Variants in ABCB1 observed in about 807,000 individuals in gnomAD.
The protein encoded by ABCB1 is ATP binding cassette subfamily B member 1, also known as ATP-dependent translocase ABCB1.
In ABCB1, 69 loss-of-function variants were observed where a neutral mutation model predicts 142.0. The ratio of observed to expected loss-of-function variants is 0.49; its 90% CI spans 0.40 to 0.59. The LOEUF is 0.59. Among genes scored for constraint, ABCB1 ranks in the 20% least tolerant of loss-of-function variants. ABCB1 has a pLI of 0.00. For synonymous variants in ABCB1, 532 were observed against 539.2 expected, an observed-to-expected ratio of 0.99 and a Z score of 0.18; for missense variants, 1,326 against 1,554.7, an observed-to-expected ratio of 0.85 and a Z score of 2.47.
chr7:87,644,424 A>T (rs114020027), intron 1 of ABCB1, among the ~76,000 whole-genome samples: 176 of 152,354 alleles, frequency 1.2e-3, no homozygotes, highest in Middle Eastern at 6.8e-3. Flanking sequence ...ACATATAATA[A>T]GGAATATTGT....
chr7:87,624,252 T>C (rs894285889), intron 1 of ABCB1, among the ~76,000 whole-genome samples: 1 of 152,160 alleles, frequency 6.6e-6, no homozygotes, highest in East Asian at 1.9e-4. Flanking sequence ...ATATTACCCA[T>C]CTGACGTCAA....
chr7:87,529,388 G>C (rs1309277944), intron 21 of ABCB1, among the ~76,000 whole-genome samples: 12 of 152,158 alleles, frequency 7.9e-5, no homozygotes, highest in Admixed American at 7.9e-4. Context: ...TCAATATTAT[G>C]TGGACTGGTT....
chr7:87,519,917 C>G (rs1815419962), intron 22 of ABCB1, among the ~76,000 whole-genome samples: 1 of 151,456 alleles, frequency 6.6e-6, no homozygotes, highest in African/African-American at 2.5e-5. Context: ...CTTAGGAGAC[C>G]TGACTTGAGT....
chr7:87,602,187 G>C (rs1217737513), upstream of ABCB1, among the ~76,000 whole-genome samples: 1 of 151,484 alleles, frequency 6.6e-6, no homozygotes, highest in African/African-American at 2.4e-5. Context: ...TAGAGACTGG[G>C]TTTCACTGTG....
Position 87,576,895 on chromosome 7 carries a change from C to T in ABCB1, c.287-6672G>A, listed in dbSNP as rs999718714. Among the ~76,000 whole-genome samples, 5 of 152,020 alleles carry T rather than the reference C, an allele frequency of 3.3e-5. No individual in the cohort carries two copies. In the East Asian group the frequency reaches 9.6e-4, roughly 29 times the overall value. On this transcript the variant is annotated intron_variant, in intron 4 of 27. Coordinates refer to ENST00000622132, the MANE Select transcript of ABCB1 (RefSeq NM_001348946.2). The stretch of plus-strand genomic sequence containing the variant: ...GTATCTATCACCTCAAAAATTTATC[C>T]TTTCTTTGTGTTACAAACAATCCAG...
At chr7:87,553,310 T>A (rs1817162154) in intron 9 of ABCB1, among the ~76,000 whole-genome samples, 1 of 150,728 alleles carries the variant, frequency 6.6e-6, no homozygotes, top group Non-Finnish European at 1.5e-5. Flanking sequence ...CATCTAATTT[T>A]TTTCCACTTT....
Position 87,558,459 on chromosome 7 carries a change from G to A in ABCB1, c.827+2804C>T, listed in dbSNP as rs377198790. Among the ~76,000 whole-genome samples, 15 of 152,096 alleles carry A rather than the reference G, an allele frequency of 9.9e-5. 1 individual carries two copies. The highest frequency in any genetic ancestry group is 3.9e-4 in the East Asian group (2 of 5,180). On this transcript the variant is annotated intron_variant, in intron 8 of 27. Coordinates refer to ENST00000622132, the MANE Select transcript of ABCB1 (RefSeq NM_001348946.2). ...GAATTTCTGTGTAGACAATCTTATC[G>A]TCTGTGAATAACGACAGTTTTCTTC...
intron 4 of ABCB1, 123 bp downstream of exon 4, chr7:87,585,389 C>A: frequency 1.1e-6 from 1 of 925,588 alleles, no homozygotes; most frequent in South Asian, 1.5e-5. Flanking sequence ...ATAACTCAGA[C>A]TGTCTGCCTC....
intron 1 of ABCB1, among the ~76,000 whole-genome samples, chr7:87,690,626 A>G (rs1308727884): frequency 1.3e-5 from 2 of 152,184 alleles, no homozygotes; most frequent in Non-Finnish European, 2.9e-5. Context: ...GAATTACAGT[A>G]CTGTAGCATT....
chr7:87,633,425 C>A (rs1446774831), intron 1 of ABCB1, among the ~76,000 whole-genome samples: 1 of 152,170 alleles, frequency 6.6e-6, no homozygotes, highest in Admixed American at 6.5e-5. Context: ...GCCCACTGTG[C>A]AGTGGTTGCC....
intron 1 of ABCB1, among the ~76,000 whole-genome samples, chr7:87,636,003 A>C (rs1370114159): frequency 6.6e-6 from 1 of 152,106 alleles, no homozygotes; most frequent in African/African-American, 2.4e-5. Flanking sequence ...ACTGACTGTC[A>C]TCTGAGTTGT....
chr7:87,662,966 C>T (rs1459798081), intron 1 of ABCB1, among the ~76,000 whole-genome samples: 1 of 151,972 alleles, frequency 6.6e-6, no homozygotes, highest in Non-Finnish European at 1.5e-5. Flanking sequence ...TCTTTCCCTT[C>T]TTTGGTAAAG....
chr7:87,623,900 C>T (rs1400501306), intron 1 of ABCB1, among the ~76,000 whole-genome samples: 1 of 152,112 alleles, frequency 6.6e-6, no homozygotes, highest in Non-Finnish European at 1.5e-5. Context: ...CCCATACCAC[C>T]ACTCTTTTTT....
intron 1 of ABCB1, chr7:87,710,526 T>C: frequency 1.6e-6 from 2 of 1,223,040 alleles, no homozygotes; most frequent in Non-Finnish European, 2.3e-6. Context: ...GGCAAAATAT[T>C]TTTTTAATTT....
chr7:87,699,588 T>C (rs1409859158), intron 1 of ABCB1, among the ~76,000 whole-genome samples: 2 of 152,140 alleles, frequency 1.3e-5, no homozygotes, highest in African/African-American at 4.8e-5. Flanking sequence ...GTATTTTTAG[T>C]AGAGATGAGG....
intron 1 of ABCB1, among the ~76,000 whole-genome samples, chr7:87,610,396 CTTTTTTTTTTTTT>C (rs766581770): frequency 1.4e-5 from 1 of 73,810 alleles, no homozygotes; most frequent in African/African-American, 7.8e-5. Context: ...CACACCTGGC[CTTTTTTTTTTTTT>C]TTTTTTTTTT....
chr7:87,601,074 C>CCT (rs1819437432), upstream of ABCB1: 1 of 152,196 alleles, frequency 6.6e-6, no homozygotes, highest in South Asian at 2.1e-4. Flanking sequence ...TTCCGTTGCA[C>CCT]CTCTCTAGAA....
At chr7:87,700,712 C>G in intron 1 of ABCB1, 1 of 639,984 alleles carries the variant, frequency 1.6e-6, no homozygotes, top group Admixed American at 3.3e-5. Flanking sequence ...CTTGAATTAT[C>G]TAAACTAGTG....
chr7:87,550,647 G>A, intron 10 of ABCB1, 69 bp from the exon 11 acceptor site: 1 of 1,568,772 alleles, frequency 6.4e-7, no homozygotes, highest in East Asian at 2.2e-5. Context: ...TTTGTGGAGA[G>A]CTGGATAAAG....
Sources: allele counts gnomAD v4.1 joint callset (sites outside exome capture counted in the v4.1 genomes callset), GRCh38; gene constraint gnomAD v4.1.1; transcripts MANE v1.5; gene names NCBI Gene and HGNC (gene_info 2026-07-23, HGNC 2026-07-21).